ANO4: variants seen among roughly 807,000 people sequenced by gnomAD.
ANO4 encodes anoctamin-4.
Under a neutral mutation model 141.9 loss-of-function variants are expected in ANO4, and 69 were observed. The ratio of observed to expected loss-of-function variants is 0.49; its 90% CI spans 0.40 to 0.59. The LOEUF is 0.59. Among genes scored for constraint, ANO4 ranks in the 20% least tolerant of loss-of-function variants. The pLI, the probability that ANO4 is intolerant of heterozygous loss-of-function variation, is 0.00. For missense variants in ANO4, 894 were observed against 1,162.2 expected (o/e 0.77, Z 3.36); for synonymous variants, 350 against 394.3 (o/e 0.89, Z 1.33).
chr12:100,741,858 C>G (rs985307874), intron 3 of ANO4, among the ~76,000 whole-genome samples: 2 of 151,770 alleles, frequency 1.3e-5, no homozygotes, highest in Non-Finnish European at 1.5e-5. Flanking sequence ...ATATATTAAC[C>G]CAGGGTAGCT....
At chr12:100,789,135 T>C (rs2033963223) in intron 3 of ANO4, among the ~76,000 whole-genome samples, 1 of 152,146 alleles carries the variant, frequency 6.6e-6, no homozygotes, top group South Asian at 2.1e-4. Flanking sequence ...ATATAATGGA[T>C]GTATGCATAC....
chr12:101,002,613 TC>T (rs1221385873), intron 8 of ANO4, among the ~76,000 whole-genome samples: 1 of 152,188 alleles, frequency 6.6e-6, no homozygotes, highest in African/African-American at 2.4e-5. Context: ...TTTGGTAATA[TC>T]CTGTTCTTCC....
chr12:100,742,790 C>T (rs1026415334), intron 3 of ANO4, among the ~76,000 whole-genome samples: 2 of 152,154 alleles, frequency 1.3e-5, no homozygotes, highest in African/African-American at 2.4e-5. Context: ...TAGCTGTGTT[C>T]GCTATTGTCA....
intron 9 of ANO4, among the ~76,000 whole-genome samples, chr12:101,033,585 A>C (rs1049999685): frequency 1.3e-5 from 2 of 152,206 alleles, no homozygotes; most frequent in Non-Finnish European, 2.9e-5. Context: ...GCATGGGCAA[A>C]GTCTTCATGA....
chr12:100,884,524 T>G (rs1475084868), intron 1 of ANO4, among the ~76,000 whole-genome samples: 1 of 152,156 alleles, frequency 6.6e-6, no homozygotes, highest in East Asian at 1.9e-4. Flanking sequence ...GTATTAGTTT[T>G]TTATTGCTTC....
At chr12:101,044,311 T>C (rs982218094) in intron 13 of ANO4, among the ~76,000 whole-genome samples, 4 of 152,212 alleles carry the variant, frequency 2.6e-5, no homozygotes, top group Non-Finnish European at 5.9e-5. Context: ...TATGTGAAAG[T>C]GCTATGAGAA....
At chr12:100,918,374 T>C (rs2041448730) in intron 2 of ANO4, among the ~76,000 whole-genome samples, 1 of 152,212 alleles carries the variant, frequency 6.6e-6, no homozygotes, top group African/African-American at 2.4e-5. Context: ...AAAGATAAAG[T>C]ATAAAACAAA....
At chr12:100,736,119 A>G (rs1489561929) in intron 2 of ANO4, among the ~76,000 whole-genome samples, 2 of 152,160 alleles carry the variant, frequency 1.3e-5, no homozygotes, top group African/African-American at 2.4e-5. Context: ...CCTTGGTGAC[A>G]TCGTGAGAGC....
chr12:101,111,405 G>A (rs987052155), intron 23 of ANO4, among the ~76,000 whole-genome samples, 158 bp from the exon 24 acceptor site: 5 of 152,238 alleles, frequency 3.3e-5, no homozygotes, highest in Non-Finnish European at 7.4e-5. Context: ...TCAATGCCAA[G>A]TTGTTTGCAC....
intron 3 of ANO4, among the ~76,000 whole-genome samples, chr12:100,776,884 A>AT (rs1007796783): frequency 2.1e-4 from 32 of 152,282 alleles, no homozygotes; most frequent in African/African-American, 7.5e-4. Context: ...GAGTGACAGA[A>AT]TATGAGGAAA....
At chr12:100,756,289 G>A (rs17030542) in intron 3 of ANO4, among the ~76,000 whole-genome samples, 12,721 of 152,182 alleles carry the variant, frequency 0.084, 804 homozygotes, top group East Asian at 0.24. Flanking sequence ...TACATAATAA[G>A]CAGATTAGTG....
rs148498744 is a variant in ANO4, at chr12:100,832,441, A to G, written c.-141+37414A>G. On this transcript the variant is annotated intron_variant, in intron 1 of 27. Coordinates refer to ENST00000392977, the MANE Select transcript of ANO4 (RefSeq NM_001286615.2). ...TGCATGTTAAAGAGAATTAGCAGTA[A>G]ATGAACGTGTGTTTCCTTAAATAAC... is the stretch of plus-strand genomic sequence containing the variant. 3.1e-3 allele frequency among the ~76,000 whole-genome samples: 478 copies of G among 152,178 alleles called. 4 individuals are homozygous for G. Among genetic ancestry groups the G allele is most frequent in the African/African-American group, 0.01 (428 of 41,540 alleles).
At chr12:100,727,994 T>C (rs1321257052) in intron 1 of ANO4, among the ~76,000 whole-genome samples, 1 of 152,246 alleles carries the variant, frequency 6.6e-6, no homozygotes, top group Non-Finnish European at 1.5e-5. Context: ...CTCCAAACAA[T>C]ACTTTGAGCA....
chr12:101,006,844 G>A (rs922257037), intron 8 of ANO4, among the ~76,000 whole-genome samples: 2 of 152,148 alleles, frequency 1.3e-5, no homozygotes, highest in African/African-American at 2.4e-5. Context: ...TAAAAAGGAG[G>A]ACACAGAGAA....
At chr12:101,017,785 TA>T (rs2046371382) in intron 8 of ANO4, among the ~76,000 whole-genome samples, 1 of 152,162 alleles carries the variant, frequency 6.6e-6, no homozygotes, top group African/African-American at 2.4e-5. Context: ...CTACTTCCCT[TA>T]TGGGTTGAAA....
chr12:101,064,369 G>A (rs1000272152), intron 14 of ANO4, among the ~76,000 whole-genome samples: 9 of 152,126 alleles, frequency 5.9e-5, no homozygotes, highest in African/African-American at 1.9e-4. Flanking sequence ...GACATAGTTT[G>A]TGTGGTTTCA....
intron 1 of ANO4, among the ~76,000 whole-genome samples, chr12:100,845,939 G>C (rs1387125526): frequency 6.6e-6 from 1 of 152,156 alleles, no homozygotes; most frequent in African/African-American, 2.4e-5. Context: ...CCTAGGACCT[G>C]GCTTTCAACC....
rs1345890354 is a variant in ANO4 at position 101,128,367 on chromosome 12, G to C, written c.*511G>C. 6.6e-6 allele frequency: 1 copy of C among 152,454 alleles called. No homozygotes were observed. Among genetic ancestry groups the C allele is most frequent in the African/African-American group, 2.4e-5 (1 of 41,378 alleles). The allele number at this position is 152,454 out of a possible 1,614,324, so 9.4% of individuals were successfully genotyped here. ...TTTTAATTTTAGACCTTTCTGAGAA[G>C]ATTATTATATATGACATATCTATAG... is the stretch of plus-strand genomic sequence containing the variant. On this transcript the variant is annotated 3_prime_UTR_variant, in exon 28 of 28. Coordinates refer to ENST00000392977, the MANE Select transcript of ANO4 (RefSeq NM_001286615.2).
chr12:100,937,979 A>G (rs1860691932), intron 3 of ANO4, among the ~76,000 whole-genome samples: 1 of 152,220 alleles, frequency 6.6e-6, no homozygotes, highest in Non-Finnish European at 1.5e-5. Context: ...TCACACATCT[A>G]TAAAATCCTT....
Sources: allele counts gnomAD v4.1 joint callset (sites outside exome capture counted in the v4.1 genomes callset), GRCh38; gene constraint gnomAD v4.1.1; transcripts MANE v1.5; gene names NCBI Gene and HGNC (gene_info 2026-07-23, HGNC 2026-07-21).